Variants in PICALM observed in about 807,000 individuals in gnomAD.
PICALM encodes phosphatidylinositol-binding clathrin assembly protein.
A neutral mutation model predicts 80.5 loss-of-function variants in PICALM; 40 were observed. The ratio of observed to expected loss-of-function variants is 0.50; its 90% CI spans 0.39 to 0.65. The LOEUF (loss-of-function observed/expected upper bound fraction) is 0.65, where lower values mean the gene tolerates loss of function less well. Among genes scored for constraint, PICALM ranks in the 30% least tolerant of loss-of-function variants. The pLI is 0.00. For missense variants in PICALM, 676 were observed against 778.9 expected, an observed-to-expected ratio of 0.87 and a Z score of 1.57; for synonymous variants, 288 against 260.3, an observed-to-expected ratio of 1.11 and a Z score of -1.02.
chr11:86,020,955 A>G (rs2136475164), intron 4 of PICALM, among the ~76,000 whole-genome samples: 1 of 152,344 alleles, frequency 6.6e-6, no homozygotes, highest in African/African-American at 2.4e-5. Context: ...TGGGAGAAAA[A>G]TATTTGCAAA....
intron 4 of PICALM, among the ~76,000 whole-genome samples, chr11:86,020,882 CTTAA>C (rs1202407108): frequency 2.0e-5 from 3 of 152,134 alleles, no homozygotes; most frequent in Admixed American, 6.6e-5. Flanking sequence ...AAAAGATACA[CTTAA>C]TTAATTAAAA....
chr11:85,996,367 C>T (rs2094960516), intron 12 of PICALM, among the ~76,000 whole-genome samples: 1 of 151,740 alleles, frequency 6.6e-6, no homozygotes, highest in Middle Eastern at 3.2e-3. Flanking sequence ...TAAAGCTGGT[C>T]GAGACAATTA....
intron 1 of PICALM, among the ~76,000 whole-genome samples, chr11:86,042,257 T>C (rs2095985228): frequency 6.6e-6 from 1 of 152,172 alleles, no homozygotes; most frequent in Admixed American, 6.5e-5. Flanking sequence ...AGGATTACTG[T>C]AAGGGATGAG....
chr11:85,994,571 T>G lies in PICALM; in HGVS notation c.1258+2255A>C, dbSNP rs371531051. ...AAAGAACAGTACAAGATTTGGGGATTATGAAAAAAATCATACCTTTGCTTT... is the reference window on the plus strand; with the variant it reads ...AAAGAACAGTACAAGATTTGGGGATGATGAAAAAAATCATACCTTTGCTTT... On this transcript the variant is annotated intron_variant, in intron 12 of 19. Transcript: ENST00000393346. Among the ~76,000 whole-genome samples, 41 of 152,334 alleles carry G rather than the reference T, an allele frequency of 2.7e-4. 1 individual carries two copies. In the East Asian group the frequency reaches 7.9e-3, roughly 29 times the overall value.
chr11:86,049,364 T>G (rs2096136816), intron 1 of PICALM, among the ~76,000 whole-genome samples: 1 of 152,162 alleles, frequency 6.6e-6, no homozygotes, highest in African/African-American at 2.4e-5. Flanking sequence ...CCAGTTAACT[T>G]ATTTTATCTT....
At chr11:85,977,647 A>T (rs1332866058) in intron 17 of PICALM, among the ~76,000 whole-genome samples, 1 of 151,994 alleles carries the variant, frequency 6.6e-6, no homozygotes, top group Non-Finnish European at 1.5e-5. Flanking sequence ...AGCGTGTAGG[A>T]CTTATTGGTC....
chr11:85,992,706 A>G (rs34959028), intron 12 of PICALM, among the ~76,000 whole-genome samples: 15,103 of 152,230 alleles, frequency 0.099, 914 homozygotes, highest in Admixed American at 0.15. Flanking sequence ...GAAATACGTA[A>G]TTTTTTAAAG....
chr11:86,067,197 T>C (rs2096459627), intron 1 of PICALM, among the ~76,000 whole-genome samples: 1 of 152,224 alleles, frequency 6.6e-6, no homozygotes, highest in Admixed American at 6.5e-5. Context: ...GTGCAAACTT[T>C]ACGGCCAAAG....
chr11:86,068,552 G>A, intron 1 of PICALM, 99 bp downstream of exon 1: 2 of 1,150,464 alleles, frequency 1.7e-6, no homozygotes, highest in Non-Finnish European at 2.4e-6. Flanking sequence ...CGCAGGGAGG[G>A]AAGAGGCAGT....
chr11:85,958,950 A>C lies in PICALM; in HGVS notation c.*96T>G, dbSNP rs2093595859. On this transcript the variant is annotated 3_prime_UTR_variant, in exon 20 of 20. Transcript: ENST00000393346. Reference sequence around the variant, plus strand: ...TTCTAATGGAAGAAGAGAGTTTAAGAGATTTAAGAGACAGCAGTTTGGATT... The same window carrying C: ...TTCTAATGGAAGAAGAGAGTTTAAGCGATTTAAGAGACAGCAGTTTGGATT... 2 of 825,200 alleles carry C rather than the reference A, an allele frequency of 2.4e-6. No individual in the cohort carries two copies. The highest frequency in any genetic ancestry group is 3.4e-5 in the South Asian group (2 of 58,694). The allele number at this position is 825,200 out of a possible 1,614,324, so 51.1% of individuals were successfully genotyped here. A position where few individuals can be genotyped will look rare whatever the true frequency, so the allele number is the denominator to read the frequency against.
chr11:86,027,376 T>C (rs1184718325), intron 2 of PICALM, among the ~76,000 whole-genome samples: 1 of 152,178 alleles, frequency 6.6e-6, no homozygotes, highest in Non-Finnish European at 1.5e-5. Context: ...AGCCTCTAAA[T>C]AGCTAAAGAA....
rs573870302 is a variant in PICALM at position 86,014,276 on chromosome 11, C to T, written c.546+594G>A. Among the ~76,000 whole-genome samples, 4 of 152,152 alleles carry T rather than the reference C, an allele frequency of 2.6e-5. No individual in the cohort carries two copies. In the East Asian group the frequency reaches 7.7e-4, roughly 29 times the overall value. The stretch of plus-strand genomic sequence containing the variant: ...ACTCACAATCTCTAAAACAAAATGA[C>T]AAATAAATAATAAACAAAACATTGT... On this transcript the variant is annotated intron_variant, in intron 5 of 19. Coordinates refer to ENST00000393346, the MANE Select transcript of PICALM (RefSeq NM_007166.4).
intron 2 of PICALM, among the ~76,000 whole-genome samples, chr11:86,028,984 T>C (rs1252435715): frequency 2.6e-5 from 4 of 152,006 alleles, no homozygotes; most frequent in African/African-American, 9.7e-5. Flanking sequence ...ATTACATATG[T>C]GCACCACCAC....
rs73504425 is a variant in PICALM, at chr11:85,958,941, G to C, written c.*105C>G. On this transcript the variant is annotated 3_prime_UTR_variant, in exon 20 of 20. Coordinates refer to ENST00000393346, the MANE Select transcript of PICALM (RefSeq NM_007166.4). ...CTTGTAGCATTCTAATGGAAGAAGA[G>C]AGTTTAAGAGATTTAAGAGACAGCA... The C allele has an allele frequency of 1.3e-6, 1 of 755,138 alleles. No homozygotes were observed. The highest frequency in any genetic ancestry group is 1.9e-5 in the South Asian group (1 of 53,506). The allele number at this position is 755,138 out of a possible 1,614,324, so 46.8% of individuals were successfully genotyped here.
At chr11:86,068,250 G>C (rs2096474275) in intron 1 of PICALM, among the ~76,000 whole-genome samples, 3 of 152,200 alleles carry the variant, frequency 2.0e-5, no homozygotes, top group Non-Finnish European at 4.4e-5. Context: ...AGAAACAATG[G>C]GGCTTGGAGA....
intron 4 of PICALM, among the ~76,000 whole-genome samples, chr11:86,019,939 T>C (rs1175402470): frequency 2.6e-5 from 4 of 152,214 alleles, no homozygotes; most frequent in African/African-American, 9.7e-5. Flanking sequence ...ACTATTTCTG[T>C]ACATGCCAGA....
At position 86,001,524 on chromosome 11, in the gene PICALM, AC is replaced by A. The variant is rs2095144443; in HGVS notation, c.894-367del. Among the ~76,000 whole-genome samples, 6 of 152,338 alleles carry A rather than the reference AC, an allele frequency of 3.9e-5. No individual in the cohort carries two copies. In the South Asian group the frequency reaches 1.2e-3, roughly 32 times the overall value. ...GATGGGAAAAAGTGTTGAGTTTATC[AC>A]AGGGAAAACCCTCTGCTAATTTACA... On this transcript the variant is annotated intron_variant, in intron 9 of 19. Coordinates refer to ENST00000393346, the MANE Select transcript of PICALM (RefSeq NM_007166.4).
intron 10 of PICALM, 89 bp downstream of exon 10, chr11:86,000,946 A>C (rs2095125810): frequency 6.5e-7 from 1 of 1,529,068 alleles, no homozygotes; most frequent in South Asian, 1.2e-5. Context: ...GTAGCTATAC[A>C]TTTAAGACTC....
rs114158942 is a variant in PICALM, at chr11:86,040,718, T to C, written c.131-9107A>G. Among the ~76,000 whole-genome samples, 727 of 152,284 alleles carry C rather than the reference T, an allele frequency of 4.8e-3. 6 individuals carry two copies. Among genetic ancestry groups the C allele is most frequent in the African/African-American group, 0.017 (694 of 41,548 alleles). On this transcript the variant is annotated intron_variant, in intron 1 of 19. Coordinates refer to ENST00000393346, the MANE Select transcript of PICALM (RefSeq NM_007166.4). ...GGTACAAACAGTATAGGTGTATATA[T>C]GTTTAAGTGTGTGTATATATTCCAA...
Sources: gnomAD v4.1 joint callset for allele counts (sites outside exome capture counted in the v4.1 genomes callset) on GRCh38, gnomAD v4.1.1 for gene constraint, MANE v1.5 for transcripts, NCBI Gene and HGNC (gene_info 2026-07-23, HGNC 2026-07-21) for gene names.